The following TPGS2 variants were observed in gnomAD, a reference collection of about 807,000 sequenced individuals.
The protein encoded by TPGS2 is tubulin polyglutamylase complex subunit 2.
TPGS2 carries 26 observed loss-of-function variants against 31.1 expected under a neutral mutation model. The observed-to-expected ratio is 0.84, with a 90% CI of 0.61 to 1.16. The LOEUF (loss-of-function observed/expected upper bound fraction) is 1.16. Among genes scored for constraint, TPGS2 ranks in the 50% most tolerant of loss-of-function variants. The pLI, the probability that TPGS2 is intolerant of heterozygous loss-of-function variation, is 0.00. For synonymous variants in TPGS2, 130 were observed against 136.6 expected, an observed-to-expected ratio of 0.95 and a Z score of 0.34; for missense variants, 351 against 363.8, an observed-to-expected ratio of 0.96 and a Z score of 0.29.
At chr18:36,815,333 T>C (rs1325173390) in intron 2 of TPGS2, among the ~76,000 whole-genome samples, 1 of 152,072 alleles carries the variant, frequency 6.6e-6, no homozygotes, top group Non-Finnish European at 1.5e-5. Context: ...GAGACAAAAG[T>C]AGGTAAGAAA....
chr18:36,806,229 A>G (rs867227235), intron 3 of TPGS2: 1 of 152,198 alleles, frequency 6.6e-6, no homozygotes, highest in Non-Finnish European at 1.5e-5. Context: ...GCTGTTCAGT[A>G]TATCATGGGT....
chr18:36,827,639 C>T (rs2046224298), intron 1 of TPGS2, among the ~76,000 whole-genome samples: 1 of 152,216 alleles, frequency 6.6e-6, no homozygotes, highest in Non-Finnish European at 1.5e-5. Context: ...TGGGAAGGCA[C>T]TGAAGCATGC....
At chr18:36,824,554 A>G (rs1187757659) in intron 1 of TPGS2, among the ~76,000 whole-genome samples, 1 of 152,192 alleles carries the variant, frequency 6.6e-6, no homozygotes, top group Non-Finnish European at 1.5e-5. Context: ...CTTTTTGACT[A>G]TAGCCATCCT....
chr18:36,798,680 G>A, intron 5 of TPGS2, 71 bp from the exon 6 acceptor site: 1 of 1,540,148 alleles, frequency 6.5e-7, no homozygotes, highest in East Asian at 2.3e-5. Flanking sequence ...ACTGTAAAAG[G>A]TTATACTCAT....
At chr18:36,800,545 G>A (rs2044754837) in intron 4 of TPGS2, among the ~76,000 whole-genome samples, 1 of 152,200 alleles carries the variant, frequency 6.6e-6, no homozygotes, top group Non-Finnish European at 1.5e-5. Context: ...GGGAATCTGG[G>A]AAAAGGAGGC....
chr18:36,792,793 G>A (rs2044360924), downstream of TPGS2, among the ~76,000 whole-genome samples: 1 of 152,012 alleles, frequency 6.6e-6, no homozygotes, highest in Non-Finnish European at 1.5e-5. Context: ...TCCTATCTTT[G>A]GCTTGCTTAC....
chr18:36,800,690 TTTC>T lies in TPGS2; in HGVS notation c.383-382_383-380del, dbSNP rs1242134323. Reference sequence around the variant, plus strand: ...AGCAAACACATTATCTGAATCTTTCTTTCTTTTTTTTTTTTTTGAGATGGAGTC... The same window carrying T: ...AGCAAACACATTATCTGAATCTTTCTTTTTTTTTTTTTTTGAGATGGAGTC... On this transcript the variant is annotated intron_variant, in intron 4 of 6. Transcript: ENST00000334295. Among the ~76,000 whole-genome samples, 251 of 147,958 alleles carry T rather than the reference TTTC, an allele frequency of 1.7e-3. 1 individual carries two copies. Among genetic ancestry groups the T allele is most frequent in the African/African-American group, 5.6e-3 (233 of 41,332 alleles).
chr18:36,805,566 A>G, intron 3 of TPGS2, 64 bp from the exon 4 acceptor site: 1 of 1,601,506 alleles, frequency 6.2e-7, no homozygotes. Flanking sequence ...GGTTATCATG[A>G]GATTCTGCTT....
chr18:36,780,033 CTAAA>C (rs771586689), downstream of TPGS2: 72 of 765,068 alleles, frequency 9.4e-5, no homozygotes, highest in Non-Finnish European at 1.2e-4. Flanking sequence ...GTTTCAAATA[CTAAA>C]TAAATAGAGT....
At position 36,828,682 on chromosome 18, in the gene TPGS2, C is replaced by T. The variant is rs2046320121; in HGVS notation, c.85+1G>A. 1.2e-6 allele frequency: 2 copies of T among 1,614,114 alleles called. No individual in the cohort carries two copies. The highest frequency in any genetic ancestry group is 2.2e-5 in the South Asian group (2 of 91,082). On this transcript the variant is annotated splice_donor_variant, in intron 1 of 6. Transcript: ENST00000334295. LOFTEE classifies it high-confidence loss of function. ...CTCGGCACCGTGCCCCCTTTCCTCA[C>T]CTAGGATGCGCGTGATGCCCAGGGT...
rs974168302 is a variant in TPGS2 at position 36,818,711 on chromosome 18, G to A, written c.165+183C>T. On this transcript the variant is annotated intron_variant, in intron 2 of 6. Transcript: ENST00000334295. ...GCTCAGGGGAAACACTCCATGCTGG[G>A]TAAGTGGCATAGAATGAAAGGAACT... The A allele has an allele frequency of 1.7e-5, 9 of 529,454 alleles. No individual in the cohort carries two copies. In the South Asian group the frequency reaches 2.8e-4, roughly 17 times the overall value. 32.8% of individuals were successfully genotyped at this position (529,454 alleles called of 1,614,324 possible).
intron 4 of TPGS2, among the ~76,000 whole-genome samples, chr18:36,803,641 A>G (rs2044953084): frequency 6.6e-6 from 1 of 151,410 alleles, no homozygotes; most frequent in Admixed American, 6.6e-5. Context: ...CTTAATTCCT[A>G]CCTTTTCCCT....
At chr18:36,828,612 C>T (rs557185856) in intron 1 of TPGS2, 71 bp downstream of exon 1, 4 of 1,557,346 alleles carry the variant, frequency 2.6e-6, no homozygotes, top group Non-Finnish European at 3.5e-6. Context: ...ACCGCTCACC[C>T]CGCACCTCAT....
chr18:36,823,836 A>T (rs1213235176), intron 1 of TPGS2: 1 of 985,256 alleles, frequency 1.0e-6, no homozygotes, highest in Non-Finnish European at 1.2e-6. Context: ...TTAATGTAAC[A>T]TAATCAAGGT....
intron 2 of TPGS2, chr18:36,818,682 T>C (rs2045765934): frequency 4.2e-6 from 2 of 478,708 alleles, no homozygotes; most frequent in Non-Finnish European, 7.5e-6. Flanking sequence ...TGTAGGAGAG[T>C]GGGGCTCAGG....
chr18:36,819,481 T>C (rs2045804701), intron 1 of TPGS2, among the ~76,000 whole-genome samples: 1 of 152,206 alleles, frequency 6.6e-6, no homozygotes, highest in Non-Finnish European at 1.5e-5. Flanking sequence ...CATCCAAAAA[T>C]ATACTAAGAA....
At chr18:36,792,726 T>C (rs985673994), downstream of TPGS2, among the ~76,000 whole-genome samples, 14 of 152,336 alleles carry the variant, frequency 9.2e-5, no homozygotes, top group African/African-American at 2.9e-4. Flanking sequence ...CATTGGTGCA[T>C]GTCAGCTTTA....
At position 36,798,944 on chromosome 18, in the gene TPGS2, C is replaced by T. The variant is rs981590106; in HGVS notation, c.497-335G>A. Among the ~76,000 whole-genome samples, 10 of 152,138 alleles carry T rather than the reference C, an allele frequency of 6.6e-5. No individual in the cohort carries two copies. The East Asian group carries it at 9.6e-4, about 15-fold the overall frequency. On this transcript the variant is annotated intron_variant, in intron 5 of 6. Transcript: ENST00000334295. ...GCATTCCCCTCCCCCGGTAGGGGGG[C>T]GGAATACTGTGGTCTCAGCTTTCCT...
At chr18:36,799,584 T>G (rs2044703611) in intron 5 of TPGS2, among the ~76,000 whole-genome samples, 1 of 152,172 alleles carries the variant, frequency 6.6e-6, no homozygotes. Flanking sequence ...CCATGACTAC[T>G]TTGCAACAAT....
Sources: gnomAD v4.1 joint callset for allele counts (sites outside exome capture counted in the v4.1 genomes callset) on GRCh38, gnomAD v4.1.1 for gene constraint, MANE v1.5 for transcripts, NCBI Gene and HGNC (gene_info 2026-07-23, HGNC 2026-07-21) for gene names.